The following FRYL variants were observed in gnomAD, a reference collection of about 807,000 sequenced individuals.
FRYL encodes FRY like transcription coactivator, also known as protein furry homolog-like.
A neutral mutation model predicts 351.2 loss-of-function variants in FRYL; 150 were observed. The ratio of observed to expected loss-of-function variants is 0.43; its 90% CI spans 0.37 to 0.49. The LOEUF is 0.49. Among genes scored for constraint, FRYL ranks in the 20% least tolerant of loss-of-function variants. FRYL has a pLI of 0.00. For synonymous variants in FRYL, 1,153 were observed against 1,257.1 expected, an observed-to-expected ratio of 0.92 and a Z score of 1.75; for missense variants, 3,036 against 3,619.3, an observed-to-expected ratio of 0.84 and a Z score of 4.13.
At chr4:48,766,739 G>C (rs2109394643) in intron 1 of FRYL, among the ~76,000 whole-genome samples, 1 of 152,062 alleles carries the variant, frequency 6.6e-6, no homozygotes, top group South Asian at 2.1e-4. Flanking sequence ...TCAGAACAAA[G>C]GCTTCATTCT....
Position 48,769,462 on chromosome 4 carries a change from G to A in FRYL, c.-384+10616C>T, listed in dbSNP as rs557820243. 4.6e-5 allele frequency among the ~76,000 whole-genome samples: 7 copies of A among 152,160 alleles called. No individual in the cohort carries two copies. The South Asian group carries it at 1.2e-3, about 27-fold the overall frequency. ...GAGGATATAGAGAAACTTTCATATC[G>A]ATGAAATGGAACTTTCCATATATTG... On this transcript the variant is annotated intron_variant, in intron 1 of 63. Transcript: ENST00000358350.
At chr4:48,743,218 AAT>A (rs1405055345) in intron 1 of FRYL, among the ~76,000 whole-genome samples, 1 of 152,008 alleles carries the variant, frequency 6.6e-6, no homozygotes, top group African/African-American at 2.4e-5. Flanking sequence ...AAGAACACTG[AAT>A]TTACAAGCCT....
chr4:48,660,801 C>T (rs1303181271), intron 3 of FRYL, among the ~76,000 whole-genome samples: 7 of 152,098 alleles, frequency 4.6e-5, no homozygotes, highest in Non-Finnish European at 8.8e-5. Context: ...AACCTTTAAG[C>T]CCAGTCTAAC....
chr4:48,503,542 T>G (rs1720204436), intron 60 of FRYL, among the ~76,000 whole-genome samples: 1 of 152,236 alleles, frequency 6.6e-6, no homozygotes, highest in Admixed American at 6.5e-5. Flanking sequence ...TGAACCATCT[T>G]AAAAACTATA....
chr4:48,577,427 T>C (rs1578196099), intron 23 of FRYL, among the ~76,000 whole-genome samples: 2 of 152,206 alleles, frequency 1.3e-5, no homozygotes, highest in African/African-American at 4.8e-5. Flanking sequence ...AAGAGCATCA[T>C]AGAACAATGT....
intron 33 of FRYL, among the ~76,000 whole-genome samples, chr4:48,560,418 G>T (rs1735210328): frequency 6.6e-6 from 1 of 152,210 alleles, no homozygotes; most frequent in African/African-American, 2.4e-5. Context: ...AAGAGTGTCT[G>T]AAGAGAGAAC....
At chr4:48,752,029 G>T (rs1311361263) in intron 1 of FRYL, among the ~76,000 whole-genome samples, 1 of 152,120 alleles carries the variant, frequency 6.6e-6, no homozygotes, top group East Asian at 1.9e-4. Flanking sequence ...TTTCCTCAAT[G>T]ATAAGATGAG....
intron 1 of FRYL, among the ~76,000 whole-genome samples, chr4:48,720,108 C>T (rs914957962): frequency 1.3e-5 from 2 of 149,356 alleles, no homozygotes; most frequent in African/African-American, 4.9e-5. Flanking sequence ...CAAGATTGTG[C>T]CACTGCACTC....
At chr4:48,696,857 T>G (rs1483064922) in intron 2 of FRYL, among the ~76,000 whole-genome samples, 2 of 146,154 alleles carry the variant, frequency 1.4e-5, no homozygotes, top group East Asian at 3.9e-4. Context: ...TCTATCTATC[T>G]ATCTATCTAT....
At chr4:48,519,709 G>A (rs1225727206) in intron 55 of FRYL, among the ~76,000 whole-genome samples, 3 of 150,948 alleles carry the variant, frequency 2.0e-5, no homozygotes, top group African/African-American at 7.3e-5. Flanking sequence ...CACCATGTTC[G>A]CCAGGATGGT....
intron 2 of FRYL, among the ~76,000 whole-genome samples, chr4:48,691,470 A>G (rs577365996): frequency 2.5e-4 from 38 of 152,326 alleles, no homozygotes; most frequent in Middle Eastern, 6.8e-3. Flanking sequence ...TACATTTGGA[A>G]GCCAAGAACA....
At chr4:48,719,120 G>C (rs1769187949) in intron 1 of FRYL, among the ~76,000 whole-genome samples, 1 of 151,514 alleles carries the variant, frequency 6.6e-6, no homozygotes, top group Non-Finnish European at 1.5e-5. Flanking sequence ...CCCCAGGCTT[G>C]GTAATTCAAT....
At chr4:48,779,591 C>T (rs1168283709) in intron 1 of FRYL, among the ~76,000 whole-genome samples, 1 of 152,018 alleles carries the variant, frequency 6.6e-6, no homozygotes, top group Non-Finnish European at 1.5e-5. Flanking sequence ...CCTTCCCAGC[C>T]GAGGCGGCGG....
Position 48,537,412 on chromosome 4 carries a change from G to A in FRYL, c.6394-1585C>T, listed in dbSNP as rs528853423. On this transcript the variant is annotated intron_variant, in intron 47 of 63. Transcript: ENST00000358350. ...TTTAGCATACTATTTTTGCCATAAC[G>A]AATCACTAAAGAGAAAAATATTTGT... is the stretch of plus-strand genomic sequence containing the variant. 2.9e-4 allele frequency among the ~76,000 whole-genome samples: 44 copies of A among 152,144 alleles called. 1 individual carries two copies. The highest frequency in any genetic ancestry group is 1.2e-3 in the Admixed American group (19 of 15,274).
intron 1 of FRYL, among the ~76,000 whole-genome samples, chr4:48,726,219 G>C (rs1385767417): frequency 6.6e-6 from 1 of 152,176 alleles, no homozygotes; most frequent in Non-Finnish European, 1.5e-5. Flanking sequence ...AAAACACGAA[G>C]CAAGTAATCA....
Position 48,605,941 on chromosome 4 carries a change from G to A in FRYL, c.742-108C>T. ...CTCTGTCATTTTACCAAAAAACTAAGGTCAATGCATCTTCAAGTCAAAAAA... is the reference window on the plus strand; with the variant it reads ...CTCTGTCATTTTACCAAAAAACTAAAGTCAATGCATCTTCAAGTCAAAAAA... On this transcript the variant is annotated intron_variant, in intron 10 of 63. Transcript: ENST00000358350. 5 of 684,806 alleles carry A rather than the reference G, an allele frequency of 7.3e-6. No homozygotes were observed. In the South Asian group the frequency reaches 9.4e-5, roughly 13 times the overall value. 42.4% of individuals were successfully genotyped at this position (684,806 alleles called of 1,614,324 possible).
At chr4:48,636,937 T>TA (rs1754348879) in intron 3 of FRYL, 1 of 152,184 alleles carries the variant, frequency 6.6e-6, no homozygotes, top group Admixed American at 6.5e-5. Flanking sequence ...TCTTTGAAAT[T>TA]ACATTATCAA....
Position 48,510,158 on chromosome 4 carries a change from C to T in FRYL, c.8296-1G>A. 1 of 1,608,516 alleles carries T rather than the reference C, an allele frequency of 6.2e-7. No individual in the cohort carries two copies. The highest frequency in any genetic ancestry group is 8.5e-7 in the Non-Finnish European group (1 of 1,175,020). On this transcript the variant is annotated splice_acceptor_variant, in intron 58 of 63. Coordinates refer to ENST00000358350, the MANE Select transcript of FRYL (RefSeq NM_015030.2). LOFTEE classifies it high-confidence loss of function. ...TTTCCAGCAAACCACATGACATCAG[C>T]TGTCAAATCAGAAGTATTGATCCAG...
chr4:48,638,893 G>A (rs566408384), intron 3 of FRYL, among the ~76,000 whole-genome samples: 2 of 152,146 alleles, frequency 1.3e-5, no homozygotes, highest in African/African-American at 4.8e-5. Flanking sequence ...ACTCATAAGT[G>A]GGAGCTGAAT....
Sources: gnomAD v4.1 joint callset for allele counts (sites outside exome capture counted in the v4.1 genomes callset) on GRCh38, gnomAD v4.1.1 for gene constraint, MANE v1.5 for transcripts, NCBI Gene and HGNC (gene_info 2026-07-23, HGNC 2026-07-21) for gene names.